The following TMEM43 variants were observed in gnomAD, a reference collection of about 807,000 sequenced individuals.
TMEM43 encodes the protein transmembrane protein 43.
In TMEM43, 45 loss-of-function variants were observed where a neutral mutation model predicts 49.6. The ratio of observed to expected loss-of-function variants is 0.91; its 90% CI spans 0.71 to 1.16. The LOEUF (loss-of-function observed/expected upper bound fraction) is 1.16, where lower values mean the gene tolerates loss of function less well. Ranked by LOEUF, TMEM43 falls within the 50% of genes most tolerant of loss-of-function variation. The pLI, the probability that TMEM43 is intolerant of heterozygous loss-of-function variation, is 0.00. For missense variants in TMEM43, 532 were observed against 516.6 expected (o/e 1.03, Z -0.29); for synonymous variants, 199 against 207.8 (o/e 0.96, Z 0.36).
chr3:14,133,927 C>T (rs561021311), intron 7 of TMEM43, 118 bp downstream of exon 7: 6 of 962,336 alleles, frequency 6.2e-6, no homozygotes, highest in Non-Finnish European at 1.0e-5. Flanking sequence ...CTGCACCTTT[C>T]CCAGCACCAT....
intron 10 of TMEM43, among the ~76,000 whole-genome samples, chr3:14,138,517 G>T (rs1695205320): frequency 6.6e-6 from 1 of 152,174 alleles, no homozygotes; most frequent in Admixed American, 6.5e-5. Flanking sequence ...GTGCTGAGAT[G>T]GAGAAGGCGC....
At chr3:14,132,469 T>G (rs553502856) in intron 4 of TMEM43, 77 bp from the exon 5 acceptor site, 57 of 1,534,580 alleles carry the variant, frequency 3.7e-5, no homozygotes, top group Non-Finnish European at 5.4e-6. Flanking sequence ...TGAGGTTGCT[T>G]CCTGCTCAGA....
At chr3:14,135,009 AGT>A in intron 8 of TMEM43, 118 bp downstream of exon 8, 1 of 1,535,224 alleles carries the variant, frequency 6.5e-7, no homozygotes, top group Non-Finnish European at 9.0e-7. Context: ...AGTGCAGCTG[AGT>A]GGGAGAGGCC....
Position 14,135,139 on chromosome 3 carries a change from G to C in TMEM43, c.706-19G>C. The C allele has an allele frequency of 1.2e-6, 2 of 1,609,146 alleles. No homozygotes were observed. Among genetic ancestry groups the C allele is most frequent in the Non-Finnish European group, 1.7e-6 (2 of 1,178,300 alleles). ...AGCTACTCCGTTCCTCACTCTCCCTGCTTCTCTTCCACCCCCAGGTGGGAG... is the reference window on the plus strand; with the variant it reads ...AGCTACTCCGTTCCTCACTCTCCCTCCTTCTCTTCCACCCCCAGGTGGGAG... On this transcript the variant is annotated intron_variant, in intron 8 of 11. Coordinates refer to ENST00000306077, the MANE Select transcript of TMEM43 (RefSeq NM_024334.3).
Position 14,129,497 on chromosome 3 carries a change from C to T in TMEM43, c.98C>T (p.Ser33Leu), listed in dbSNP as rs539753097. Residue 33 changes from serine (S) to leucine (L), a missense_variant, in exon 2 of 12, where the codon TCG becomes TTG. By Grantham distance (145) the Ser-to-Leu change is moderately radical (BLOSUM62 -2). Transcript: ENST00000306077. The stretch of plus-strand genomic sequence containing the variant: ...TTCCTGGAACGGCTGAGCGAGACCT[C>T]GGGTGGGATGTTTGTGGGGCTCATG... ...PGFLERLSET[S>L]GGMFVGLMAF... is the part of the protein sequence containing the mutation. 22 of 1,614,058 alleles carry T rather than the reference C, an allele frequency of 1.4e-5. No homozygotes were observed. The highest frequency in any genetic ancestry group is 9.3e-5 in the African/African-American group (7 of 74,996).
chr3:14,130,533 G>C (rs1410911776), intron 2 of TMEM43, among the ~76,000 whole-genome samples: 1 of 152,140 alleles, frequency 6.6e-6, no homozygotes, highest in Non-Finnish European at 1.5e-5. Flanking sequence ...TGGGGAGAAA[G>C]GGACAGGCAG....
chr3:14,128,951 G>A (rs1478147996), intron 1 of TMEM43: 2 of 456,510 alleles, frequency 4.4e-6, no homozygotes, highest in Non-Finnish European at 8.8e-6. Flanking sequence ...CCATGAAAAG[G>A]AACAAATTCC....
chr3:14,127,136 G>T (rs1695032079), intron 1 of TMEM43, among the ~76,000 whole-genome samples: 1 of 152,154 alleles, frequency 6.6e-6, no homozygotes, highest in Non-Finnish European at 1.5e-5. Context: ...GTGTGCGTGT[G>T]TGTGTGTGTT....
At chr3:14,141,373 T>C (rs1275127384) in intron 11 of TMEM43, among the ~76,000 whole-genome samples, 1 of 152,124 alleles carries the variant, frequency 6.6e-6, no homozygotes, top group Non-Finnish European at 1.5e-5. Context: ...CAGGGTAGAG[T>C]GGGTGGCTTA....
At chr3:14,139,558 G>T (rs80345392) in intron 11 of TMEM43, among the ~76,000 whole-genome samples, 1 of 152,150 alleles carries the variant, frequency 6.6e-6, no homozygotes, top group Non-Finnish European at 1.5e-5. Context: ...CTGAAGGTTC[G>T]TCCATCTGCT....
At chr3:14,129,852 A>G (rs541835098) in intron 2 of TMEM43, among the ~76,000 whole-genome samples, 1 of 152,196 alleles carries the variant, frequency 6.6e-6, no homozygotes, top group Admixed American at 6.5e-5. Context: ...CCATTTCTTC[A>G]TCTTTTGCCT....
Position 14,129,429 on chromosome 3 carries a change from C to T in TMEM43, c.30C>T (p.Thr10=), listed in dbSNP as rs757554576. The T allele has an allele frequency of 1.9e-6, 3 of 1,613,538 alleles. No homozygotes were observed. The African/African-American group carries it at 4.0e-5, about 22-fold the overall frequency. The change falls in exon 2 of 12, where the codon ACC becomes ACT. Residue 10 remains threonine, a synonymous_variant. Transcript: ENST00000306077. The part of the protein sequence containing the change: MAANYSSTS[T]RREHVKVKTS... The stretch of plus-strand genomic sequence containing the variant: ...TTCTTCAGTATTCCAGTACCAGTAC[C>T]CGGAGAGAACATGTCAAAGTTAAAA...
intron 3 of TMEM43, 114 bp downstream of exon 3, chr3:14,131,070 C>T: frequency 7.6e-7 from 1 of 1,324,128 alleles, no homozygotes; most frequent in South Asian, 1.4e-5. Context: ...GGGAGTGATT[C>T]CCGACTTTAC....
chr3:14,128,209 G>A (rs1695044095), intron 1 of TMEM43, among the ~76,000 whole-genome samples: 1 of 152,126 alleles, frequency 6.6e-6, no homozygotes, highest in Non-Finnish European at 1.5e-5. Context: ...TGCCCTAGAC[G>A]ATGACACTTT....
At position 14,126,112 on chromosome 3, in the gene TMEM43, GTCCTCTC is replaced by G. The variant is rs1695017510; in HGVS notation, c.12+909_12+915del. Among the ~76,000 whole-genome samples, 11 of 152,144 alleles carry G rather than the reference GTCCTCTC, an allele frequency of 7.2e-5. No homozygotes were observed. In the South Asian group the frequency reaches 2.3e-3, roughly 32 times the overall value. The stretch of plus-strand genomic sequence containing the variant: ...CCAGACACCGCCTCTGTCCCCAAGC[GTCCTCTC>G]TGCCTCCCACACCCCTTGAGAGGCC... On this transcript the variant is annotated intron_variant, in intron 1 of 11. Transcript: ENST00000306077.
intron 10 of TMEM43, chr3:14,137,940 GC>G (rs966271566): frequency 6.6e-6 from 1 of 152,188 alleles, no homozygotes; most frequent in African/African-American, 2.4e-5. Context: ...TTCTCTCAGA[GC>G]CTCAGTTTCA....
At chr3:14,132,067 G>A (rs1251579561) in intron 4 of TMEM43, among the ~76,000 whole-genome samples, 4 of 151,988 alleles carry the variant, frequency 2.6e-5, no homozygotes, top group African/African-American at 7.3e-5. Flanking sequence ...ACAGCTTATC[G>A]TTTCTGACAG....
chr3:14,138,343 G>A (rs1273271710), intron 10 of TMEM43, among the ~76,000 whole-genome samples: 1 of 152,192 alleles, frequency 6.6e-6, no homozygotes, highest in Non-Finnish European at 1.5e-5. Context: ...GCAGGTGACT[G>A]TGTGGAGAAC....
chr3:14,135,358 A>C, intron 9 of TMEM43, 126 bp downstream of exon 9: 1 of 805,948 alleles, frequency 1.2e-6, no homozygotes, highest in South Asian at 1.4e-5. Context: ...ACTCTCGCAC[A>C]CACTCTCAGC....
Sources: gnomAD v4.1 joint callset for allele counts (sites outside exome capture counted in the v4.1 genomes callset) on GRCh38, gnomAD v4.1.1 for gene constraint, MANE v1.5 for transcripts, NCBI Gene and HGNC (gene_info 2026-07-23, HGNC 2026-07-21) for gene names.